Variants in ARHGEF7 observed in about 807,000 individuals in gnomAD.
ARHGEF7 encodes PAK-interacting exchange factor beta.
ARHGEF7 carries 33 observed loss-of-function variants against 109.8 expected under a neutral mutation model. The ratio of observed to expected loss-of-function variants is 0.30; its 90% CI spans 0.23 to 0.40. The LOEUF (loss-of-function observed/expected upper bound fraction) is 0.40, where lower values mean the gene tolerates loss of function less well. Ranked by LOEUF, ARHGEF7 falls within the 10% of genes least tolerant of loss-of-function variation. The pLI is 1.00. For synonymous variants in ARHGEF7, 458 were observed against 424.6 expected, an observed-to-expected ratio of 1.08 and a Z score of -0.97; for missense variants, 938 against 1,098.5, an observed-to-expected ratio of 0.85 and a Z score of 2.07.
At chr13:111,293,208 G>A in intron 19 of ARHGEF7, 1 of 985,346 alleles carries the variant, frequency 1.0e-6, no homozygotes, top group Non-Finnish European at 1.2e-6. Flanking sequence ...GAGGCATTTG[G>A]AATACTTACA....
chr13:111,246,779 A>G (rs917632366), intron 8 of ARHGEF7, among the ~76,000 whole-genome samples: 3 of 152,218 alleles, frequency 2.0e-5, no homozygotes, highest in African/African-American at 7.2e-5. Flanking sequence ...CTCAAGATGG[A>G]AGTAAATGCT....
intron 1 of ARHGEF7, among the ~76,000 whole-genome samples, chr13:111,133,812 T>TATATATATATATATATATAA (rs1555341569): frequency 1.6e-5 from 1 of 62,568 alleles, no homozygotes; most frequent in South Asian, 5.5e-4. Flanking sequence ...TATATATATA[T>TATATATATATATATATATAA]ATTTATTATA....
chr13:111,293,008 C>T, intron 19 of ARHGEF7: 1 of 985,524 alleles, frequency 1.0e-6, no homozygotes, highest in African/African-American at 1.7e-5. Context: ...TTTCCAAAGG[C>T]AGAGCTTACT....
chr13:111,128,734 G>T (rs1364527920), intron 1 of ARHGEF7, among the ~76,000 whole-genome samples: 2 of 152,194 alleles, frequency 1.3e-5, no homozygotes, highest in Non-Finnish European at 2.9e-5. Flanking sequence ...ATTGCTGAGT[G>T]AAATGAAAGA....
chr13:111,179,021 C>G (rs574814720), intron 2 of ARHGEF7, among the ~76,000 whole-genome samples: 1 of 150,752 alleles, frequency 6.6e-6, no homozygotes, highest in South Asian at 2.1e-4. Context: ...GACTAGAGTT[C>G]GGTGAACATC....
rs754610910 is a variant in ARHGEF7, at chr13:111,153,889, G to A, written c.166-16G>A. 2.0e-5 allele frequency: 32 copies of A among 1,593,802 alleles called. No homozygotes were observed. The highest frequency in any genetic ancestry group is 3.3e-4 in the Middle Eastern group (2 of 5,998). On this transcript the variant is annotated splice_polypyrimidine_tract_variant and intron_variant, in intron 1 of 21. Transcript: ENST00000646102. Reference sequence around the variant, plus strand: ...CTGCCGGCCACGGCGCTCAGCGCTTGTGCTCTGTATTGCAGGTCTACCCCG... The same window carrying A: ...CTGCCGGCCACGGCGCTCAGCGCTTATGCTCTGTATTGCAGGTCTACCCCG...
rs758430263 is a variant in ARHGEF7, at chr13:111,267,598, C to T, written c.1001C>T (p.Pro334Leu). 24 of 1,614,012 alleles carry T rather than the reference C, an allele frequency of 1.5e-5. No homozygotes were observed. Among genetic ancestry groups the T allele is most frequent in the Non-Finnish European group, 5.9e-6 (7 of 1,179,994 alleles). The change falls in exon 9 of 22, where the codon CCA becomes CTA. Residue 334 changes from proline to leucine, a missense_variant. Transcript: ENST00000646102. ...GGAGGCTGCTTTTTAAACCTGATGC[C>T]ACAGATGAAAACCCTGTACCTCACG... ...RVGGCFLNLM[P>L]QMKTLYLTYC...
intron 2 of ARHGEF7, among the ~76,000 whole-genome samples, chr13:111,188,706 GTC>G (rs1435950869): frequency 1.6e-4 from 25 of 152,238 alleles, no homozygotes; most frequent in African/African-American, 6.0e-4. Flanking sequence ...GTGTTGATAA[GTC>G]TTCCTTATTT....
At chr13:111,259,968 GA>G (rs1425872547) in intron 8 of ARHGEF7, among the ~76,000 whole-genome samples, 4 of 152,124 alleles carry the variant, frequency 2.6e-5, no homozygotes, top group Admixed American at 1.3e-4. Flanking sequence ...AAATGTAGTT[GA>G]CGTACTGAAA....
chr13:111,196,650 A>T (rs1370837079), intron 2 of ARHGEF7, among the ~76,000 whole-genome samples: 1 of 151,810 alleles, frequency 6.6e-6, no homozygotes, highest in African/African-American at 2.4e-5. Context: ...TCCCTTGGAG[A>T]TTTCTTTGCT....
At chr13:111,135,284 C>T (rs1267455681) in intron 1 of ARHGEF7, among the ~76,000 whole-genome samples, 1 of 152,100 alleles carries the variant, frequency 6.6e-6, no homozygotes, top group African/African-American at 2.4e-5. Flanking sequence ...GCAATGCGGG[C>T]TCTTTTTTGG....
chr13:111,269,105 G>T (rs908008068), intron 9 of ARHGEF7, among the ~76,000 whole-genome samples: 1 of 152,302 alleles, frequency 6.6e-6, no homozygotes, highest in East Asian at 1.9e-4. Context: ...GGCCATGTCC[G>T]CAGCATCTCC....
intron 5 of ARHGEF7, among the ~76,000 whole-genome samples, chr13:111,224,505 C>T (rs528789884): frequency 3.3e-5 from 5 of 152,158 alleles, no homozygotes; most frequent in Admixed American, 2.0e-4. Flanking sequence ...AGCTTATTAT[C>T]TGTTGTAAAG....
intron 6 of ARHGEF7, among the ~76,000 whole-genome samples, chr13:111,238,952 G>T (rs7990746): frequency 1.3e-5 from 2 of 152,066 alleles, no homozygotes; most frequent in Admixed American, 1.3e-4. Context: ...TCAGAGTTCC[G>T]CATGGCTGGG....
chr13:111,283,193 C>T lies in ARHGEF7; in HGVS notation c.1780C>T (p.Pro594Ser), dbSNP rs967590998. The change falls in exon 16 of 22, where the codon CCG (proline) becomes TCG (serine). Residue 594 changes from proline to serine, a missense_variant. By Grantham distance (74) the Pro-to-Ser change is moderately conservative. Transcript: ENST00000646102. Reference sequence around the variant, plus strand: ...CAAGCACGCAGACAGCAAGCCCGCGCCGCTGACGCCCGCCTACCACACGCT... The same window carrying T: ...CAAGCACGCAGACAGCAAGCCCGCGTCGCTGACGCCCGCCTACCACACGCT... ...SSKHADSKPAPLTPAYHTLPH... is the reference protein window; with the variant it reads ...SSKHADSKPASLTPAYHTLPH... 2.5e-6 allele frequency: 4 copies of T among 1,596,326 alleles called. No homozygotes were observed. The highest frequency in any genetic ancestry group is 2.7e-5 in the African/African-American group (2 of 74,790).
At chr13:111,259,181 G>A (rs776063183) in intron 8 of ARHGEF7, among the ~76,000 whole-genome samples, 3 of 152,302 alleles carry the variant, frequency 2.0e-5, no homozygotes, top group African/African-American at 7.2e-5. Flanking sequence ...GAAAGGACAC[G>A]TGCCCATCTG....
chr13:111,290,261 A>T (rs892051972), intron 18 of ARHGEF7, among the ~76,000 whole-genome samples: 1 of 152,256 alleles, frequency 6.6e-6, no homozygotes, highest in African/African-American at 2.4e-5. Flanking sequence ...TGTGAATTCA[A>T]CCAACTGCAG....
intron 2 of ARHGEF7, among the ~76,000 whole-genome samples, chr13:111,196,486 G>A (rs117002093): frequency 0.023 from 3,570 of 152,250 alleles, 72 homozygotes; most frequent in Middle Eastern, 0.11. Flanking sequence ...GACCCTGTAG[G>A]AAATCTATCA....
chr13:111,121,329 T>C (rs831153), intron 1 of ARHGEF7, among the ~76,000 whole-genome samples: 146,723 of 152,280 alleles, frequency 0.96, 70,937 homozygotes, highest in Non-Finnish European at 1. Flanking sequence ...CACTGTAGTT[T>C]CTGGGCTTCC....
Sources: allele counts gnomAD v4.1 joint callset (sites outside exome capture counted in the v4.1 genomes callset), GRCh38; gene constraint gnomAD v4.1.1; transcripts MANE v1.5; gene names NCBI Gene and HGNC (gene_info 2026-07-23, HGNC 2026-07-21).